Variants in DNAJC7 observed in about 807,000 individuals in gnomAD.
The protein encoded by DNAJC7 is dnaJ homolog subfamily C member 7.
A neutral mutation model predicts 67.4 loss-of-function variants in DNAJC7; 18 were observed. That is an observed-to-expected ratio of 0.27 (90% CI 0.18 to 0.40). DNAJC7 has a LOEUF of 0.40. Among genes scored for constraint, DNAJC7 ranks in the 10% least tolerant of loss-of-function variants. The probability of loss-of-function intolerance (pLI) is 1.00; values close to 1 mark genes in which losing one functional copy is unlikely to be tolerated. For synonymous variants in DNAJC7, 220 were observed against 207.8 expected, an observed-to-expected ratio of 1.06 and a Z score of -0.50; for missense variants, 419 against 613.8, an observed-to-expected ratio of 0.68 and a Z score of 3.35.
At chr17:41,982,454 C>T (rs1657355162) in intron 10 of DNAJC7, 53 bp from the exon 11 acceptor site, 3 of 1,598,444 alleles carry the variant, frequency 1.9e-6, no homozygotes, top group African/African-American at 1.3e-5. Context: ...GTTTTTTCCT[C>T]ACCAGGTCTC....
chr17:42,006,311 G>A (rs1288940515), intron 1 of DNAJC7, among the ~76,000 whole-genome samples: 1 of 151,014 alleles, frequency 6.6e-6, no homozygotes, highest in African/African-American at 2.4e-5. Flanking sequence ...ACGCCACCAC[G>A]CCTGGCCAAT....
At chr17:42,008,327 A>T (rs1394450007) in intron 1 of DNAJC7, among the ~76,000 whole-genome samples, 1 of 151,780 alleles carries the variant, frequency 6.6e-6, no homozygotes, top group Non-Finnish European at 1.5e-5. Context: ...AAAAAAAAAA[A>T]AATCTACTAT....
At position 41,982,284 on chromosome 17, in the gene DNAJC7, T is replaced by A; in HGVS notation, c.1202A>T (p.Tyr401Phe). ...ATGGTGCATCAAGGCCCGTTTCCGA[T>A]AAGCTTTCTTGATCTCGTCCTCAGA... ...NASEDEIKKA[Y>F]RKRALMHHPD... is the part of the protein sequence containing the mutation. Residue 401 changes from tyrosine to phenylalanine, a missense_variant, in exon 11 of 14, where the codon TAT (tyrosine) becomes TTT (phenylalanine). This residue lies in a region of DNAJC7 where 161 missense variants were observed against 252.2 expected (regional missense o/e 0.64). Coordinates refer to ENST00000457167, the MANE Select transcript of DNAJC7 (RefSeq NM_003315.4). The A allele has an allele frequency of 6.2e-7, 1 of 1,614,042 alleles. No homozygotes were observed. Among genetic ancestry groups the A allele is most frequent in the Non-Finnish European group, 8.5e-7 (1 of 1,179,898 alleles).
At chr17:42,007,704 A>G (rs777457408) in intron 1 of DNAJC7, among the ~76,000 whole-genome samples, 20 of 151,678 alleles carry the variant, frequency 1.3e-4, no homozygotes, top group Non-Finnish European at 2.1e-4. Context: ...TTTGTATTTT[A>G]GTAGAGATGG....
chr17:42,013,508 A>T (rs1407433030), intron 1 of DNAJC7: 14 of 152,208 alleles, frequency 9.2e-5, no homozygotes, highest in African/African-American at 3.4e-4. Context: ...GACCTCACAA[A>T]AACGACCCGA....
chr17:41,990,207 A>G (rs1428143288), intron 6 of DNAJC7, 57 bp downstream of exon 6: 1 of 1,496,578 alleles, frequency 6.7e-7, no homozygotes, highest in Admixed American at 1.9e-5. Flanking sequence ...AAGCTGCCGG[A>G]CACCATCAGT....
rs942909860 is a variant in DNAJC7, at chr17:42,017,359, C to T, written c.58G>A (p.Asp20Asn). The change falls in exon 1 of 14, where the codon GAC (aspartate) becomes AAC (asparagine). Residue 20 changes from aspartate (D) to asparagine (N), a missense_variant. Coordinates refer to ENST00000457167, the MANE Select transcript of DNAJC7 (RefSeq NM_003315.4). ...VMAATEPELL[D>N]DQEAKREAET... is the part of the protein sequence containing the mutation. Reference sequence around the variant, plus strand: ...GGTTACCTCTTCGCCTCTTGGTCGTCGAGCAGCTCCGGCTCGGTCGCCGCC... The same window carrying T: ...GGTTACCTCTTCGCCTCTTGGTCGTTGAGCAGCTCCGGCTCGGTCGCCGCC... The T allele has an allele frequency of 6.2e-7, 1 of 1,611,348 alleles. No homozygotes were observed. The highest frequency in any genetic ancestry group is 8.5e-7 in the Non-Finnish European group (1 of 1,179,864).
Position 41,992,043 on chromosome 17 carries a change from C to T in DNAJC7, c.481-1661G>A, listed in dbSNP as rs2051521486. Among the ~76,000 whole-genome samples, 3 of 152,204 alleles carry T rather than the reference C, an allele frequency of 2.0e-5. No homozygotes were observed. In the South Asian group the frequency reaches 6.2e-4, roughly 32 times the overall value. The stretch of plus-strand genomic sequence containing the variant: ...CCAAAACTGAAATTTAAAATATGAG[C>T]AAGTCAGTAAACACTACCACATTAC... On this transcript the variant is annotated intron_variant, in intron 5 of 13. Transcript: ENST00000457167.
At chr17:41,984,864 T>C (rs1168205861) in intron 9 of DNAJC7, 1 of 152,112 alleles carries the variant, frequency 6.6e-6, no homozygotes, top group African/African-American at 2.4e-5. Context: ...TCTCACTCTG[T>C]AGCCCAGGCT....
intron 1 of DNAJC7, chr17:42,016,868 C>T (rs2052311832): frequency 3.5e-6 from 3 of 866,214 alleles, no homozygotes; most frequent in African/African-American, 1.9e-5. Context: ...TCACTTCGAA[C>T]CCAGACTAGT....
intron 12 of DNAJC7, among the ~76,000 whole-genome samples, chr17:41,980,949 G>A (rs782008981): frequency 1.3e-5 from 2 of 151,992 alleles, no homozygotes; most frequent in African/African-American, 2.4e-5. Flanking sequence ...GCTACTTGCC[G>A]GCCTTCCACC....
At chr17:42,009,315 G>A (rs190492681) in intron 1 of DNAJC7, among the ~76,000 whole-genome samples, 1 of 152,316 alleles carries the variant, frequency 6.6e-6, no homozygotes, top group African/African-American at 2.4e-5. Flanking sequence ...CACGGGCAGA[G>A]TCAGAAGGGA....
Position 42,002,472 on chromosome 17 carries a change from T to C in DNAJC7, c.78-1902A>G, listed in dbSNP as rs2051834024. On this transcript the variant is annotated intron_variant, in intron 1 of 13. Transcript: ENST00000457167. ...CACTACCCCTATGGAGGTCGGGGAG[T>C]TCAGGACTGGCTTCTAGAAAAAATG... is the stretch of plus-strand genomic sequence containing the variant. 2.0e-5 allele frequency among the ~76,000 whole-genome samples: 3 copies of C among 151,924 alleles called. No homozygotes were observed. In the South Asian group the frequency reaches 6.2e-4, roughly 32 times the overall value.
At chr17:42,000,658 C>T (rs782478585) in intron 1 of DNAJC7, 88 bp from the exon 2 acceptor site, 79 of 955,726 alleles carry the variant, frequency 8.3e-5, no homozygotes, top group Non-Finnish European at 1.1e-4. Context: ...GTCTAGAGCC[C>T]GCAGCACACT....
rs371236469 is a variant in DNAJC7, at chr17:41,997,236, A to G, written c.170T>C (p.Met57Thr). The G allele has an allele frequency of 6.3e-5, 101 of 1,613,318 alleles. No homozygotes were observed. Among genetic ancestry groups the G allele is most frequent in the African/African-American group, 8.0e-5 (6 of 74,906 alleles). Residue 57 changes from methionine (M) to threonine (T), a missense_variant, in exon 3 of 14, where the codon ATG becomes ACG. Met to Thr is a moderately conservative substitution (Grantham distance 81, BLOSUM62 -1). Transcript: ENST00000457167. ...AYNYYTKAIDMCPKNASYYGN... is the reference protein window; with the variant it reads ...AYNYYTKAIDTCPKNASYYGN... ...ATAATAGCTAGCATTTTTAGGACAC[A>G]TATCTATAGGAAAGGCAGAAGAACG...
chr17:41,982,733 T>TGA (rs1308024600), intron 10 of DNAJC7, among the ~76,000 whole-genome samples: 1 of 152,078 alleles, frequency 6.6e-6, no homozygotes, highest in Non-Finnish European at 1.5e-5. Flanking sequence ...CTTGACAGAA[T>TGA]GGATCACCCG....
intron 9 of DNAJC7, 163 bp downstream of exon 9, chr17:41,987,656 G>A: frequency 1.8e-6 from 1 of 542,794 alleles, no homozygotes; most frequent in Non-Finnish European, 3.2e-6. Flanking sequence ...TCCTCCGCTG[G>A]AGGTCTATAA....
rs375567784 is a variant in DNAJC7 at position 41,988,681 on chromosome 17, T to C, written c.918+51A>G. 28 of 1,531,502 alleles carry C rather than the reference T, an allele frequency of 1.8e-5. No homozygotes were observed. The East Asian group carries it at 4.1e-4, about 22-fold the overall frequency. 94.9% of individuals were successfully genotyped at this position (1,531,502 alleles called of 1,614,324 possible). ...AGGCAGATTTCCCAAGACCCTTTGA[T>C]GTCCCTTAAAAATATTTCTATAGGC... On this transcript the variant is annotated intron_variant, in intron 8 of 13. Coordinates refer to ENST00000457167, the MANE Select transcript of DNAJC7 (RefSeq NM_003315.4).
At chr17:41,994,021 C>A (rs537972819) in intron 5 of DNAJC7, among the ~76,000 whole-genome samples, 219 of 123,186 alleles carry the variant, frequency 1.8e-3, no homozygotes, top group African/African-American at 6.3e-3. Context: ...CCAGCCTGGG[C>A]AACAAGAGCC....
Sources: allele counts gnomAD v4.1 joint callset (sites outside exome capture counted in the v4.1 genomes callset), GRCh38; gene constraint gnomAD v4.1.1; regional missense constraint gnomAD v4.1.1; transcripts MANE v1.5; gene names NCBI Gene and HGNC (gene_info 2026-07-23, HGNC 2026-07-21).